ITGBL1: variants seen among roughly 807,000 people sequenced by gnomAD.
ITGBL1 encodes the protein integrin beta-like protein 1.
Under a neutral mutation model 68.5 loss-of-function variants are expected in ITGBL1, and 51 were observed. That is an observed-to-expected ratio of 0.74 (90% CI 0.59 to 0.94). The LOEUF is 0.94. Ranked by LOEUF, ITGBL1 falls within the 40% of genes least tolerant of loss-of-function variation. The probability of loss-of-function intolerance (pLI) is 0.00; values close to 1 mark genes in which losing one functional copy is unlikely to be tolerated. For synonymous variants in ITGBL1, 209 were observed against 227.3 expected (o/e 0.92, Z 0.72); for missense variants, 649 against 647.4 (o/e 1.00, Z -0.03).
chr13:101,491,627 A>AT (rs138131160), intron 2 of ITGBL1, among the ~76,000 whole-genome samples: 53 of 151,386 alleles, frequency 3.5e-4, no homozygotes, highest in Middle Eastern at 3.4e-3. Context: ...CTTTTTCTTT[A>AT]TTTTTTTTTA....
rs116957435 is a variant in ITGBL1, at chr13:101,669,261, G to C, written c.1016-23324G>C. Among the ~76,000 whole-genome samples the C allele has an allele frequency of 1.9e-4, 29 of 152,096 alleles. No individual in the cohort carries two copies. In the East Asian group the frequency reaches 5.0e-3, roughly 26 times the overall value. On this transcript the variant is annotated intron_variant, in intron 7 of 10. Transcript: ENST00000376180. ...AGGGGAGTGAGAGGGATGCAAAGAA[G>C]GTTATGAGGAAGTGTTTTTAGGTAA...
intron 4 of ITGBL1, among the ~76,000 whole-genome samples, chr13:101,576,765 A>G (rs2765607): frequency 0.2 from 29,645 of 152,014 alleles, 3,014 homozygotes; most frequent in East Asian, 0.23. Context: ...TGTACAAACT[A>G]CCTGGATAAA....
At chr13:101,508,877 T>A (rs1475806530) in intron 2 of ITGBL1, among the ~76,000 whole-genome samples, 2 of 152,092 alleles carry the variant, frequency 1.3e-5, no homozygotes, top group African/African-American at 4.8e-5. Context: ...TATTTTAAGG[T>A]TTTTTAAAAA....
chr13:101,584,448 T>C (rs1436574522), intron 6 of ITGBL1, among the ~76,000 whole-genome samples: 1 of 152,110 alleles, frequency 6.6e-6, no homozygotes, highest in Admixed American at 6.5e-5. Context: ...GACTGCCTCA[T>C]TGGTGCATGC....
At chr13:101,693,636 A>G (rs866713445) in intron 8 of ITGBL1, among the ~76,000 whole-genome samples, 184 of 150,538 alleles carry the variant, frequency 1.2e-3, no homozygotes, top group African/African-American at 4.0e-3. Flanking sequence ...CTATCTATCT[A>G]TCTATCTATC....
Position 101,704,112 on chromosome 13 carries a change from C to T in ITGBL1, c.1133-2644C>T, listed in dbSNP as rs74122645. On this transcript the variant is annotated intron_variant, in intron 8 of 10. Coordinates refer to ENST00000376180, the MANE Select transcript of ITGBL1 (RefSeq NM_004791.3). Reference sequence around the variant, plus strand: ...CTGCAGTGCCAGCTTGTCAGGGCCACGGCTGCTGACTCTTTACAGCACCCT... The same window carrying T: ...CTGCAGTGCCAGCTTGTCAGGGCCATGGCTGCTGACTCTTTACAGCACCCT... 6.5e-3 allele frequency among the ~76,000 whole-genome samples: 983 copies of T among 152,184 alleles called. 8 individuals are homozygous for T. The highest frequency in any genetic ancestry group is 0.021 in the African/African-American group (873 of 41,530).
intron 2 of ITGBL1, among the ~76,000 whole-genome samples, chr13:101,477,973 A>G (rs1819556): frequency 0.14 from 21,667 of 152,030 alleles, 2,059 homozygotes; most frequent in East Asian, 0.43. Context: ...GAATACTTCC[A>G]AACTAATTCT....
rs2034626560 is a variant in ITGBL1, at chr13:101,714,520, C to A, written c.1362C>A (p.Asp454Glu). ...SGEFCDCDDR[D>E]CDKHDGLICT... ...AGTTCTGTGACTGTGATGACAGAGA[C>A]TGCGACAAACATGATGGTCTCATTT... Residue 454 changes from aspartate (D) to glutamate (E), a missense_variant, in exon 10 of 11, where the codon GAC becomes GAA. Physicochemically the swap from Asp to Glu is conservative, Grantham distance 45. Coordinates refer to ENST00000376180, the MANE Select transcript of ITGBL1 (RefSeq NM_004791.3). The A allele has an allele frequency of 1.9e-6, 3 of 1,608,980 alleles. No homozygotes were observed. Among genetic ancestry groups the A allele is most frequent in the Non-Finnish European group, 2.6e-6 (3 of 1,175,378 alleles).
intron 2 of ITGBL1, among the ~76,000 whole-genome samples, chr13:101,502,561 T>C (rs1033445112): frequency 6.6e-6 from 1 of 152,204 alleles, no homozygotes; most frequent in African/African-American, 2.4e-5. Context: ...GCAAATTTAT[T>C]CTCAAAAACT....
At chr13:101,456,548 C>T (rs78006473) in intron 2 of ITGBL1, among the ~76,000 whole-genome samples, 10,274 of 152,208 alleles carry the variant, frequency 0.067, 1,132 homozygotes, top group African/African-American at 0.23. Flanking sequence ...GAGTAACTTT[C>T]GGAGACCTCT....
At chr13:101,461,987 C>G (rs764108977) in intron 2 of ITGBL1, among the ~76,000 whole-genome samples, 2 of 152,106 alleles carry the variant, frequency 1.3e-5, no homozygotes, top group African/African-American at 4.8e-5. Context: ...GGAGAGAATC[C>G]GTTTCCTGGT....
At chr13:101,660,829 C>A (rs2033065455) in intron 7 of ITGBL1, among the ~76,000 whole-genome samples, 1 of 152,168 alleles carries the variant, frequency 6.6e-6, no homozygotes, top group Admixed American at 6.5e-5. Context: ...CTAAAAATGC[C>A]TCCAAACATT....
At chr13:101,603,247 G>T (rs1566752114) in intron 7 of ITGBL1, among the ~76,000 whole-genome samples, 1 of 151,872 alleles carries the variant, frequency 6.6e-6, no homozygotes, top group Non-Finnish European at 1.5e-5. Flanking sequence ...GGTATTGTCT[G>T]TCTTTTTGAT....
rs755776332 is a variant in ITGBL1 at position 101,579,297 on chromosome 13, G to T, written c.597G>T (p.Lys199Asn). 2.0e-5 allele frequency: 32 copies of T among 1,613,646 alleles called. No individual in the cohort carries two copies. The highest frequency in any genetic ancestry group is 2.6e-5 in the Non-Finnish European group (31 of 1,179,754). ...ETEEICGGHG[K>N]CYCGNCYCKA... is the part of the protein sequence containing the mutation. The stretch of plus-strand genomic sequence containing the variant: ...TCATTTTGGGTAAAGGCCATGGGAA[G>T]TGTTACTGTGGAAACTGCTACTGCA... Residue 199 changes from lysine (K) to asparagine (N), a missense_variant, in exon 5 of 11, where the codon AAG becomes AAT. Physicochemically the swap from Lys to Asn is moderately conservative, Grantham distance 94. Transcript: ENST00000376180.
chr13:101,536,172 A>G (rs898294612), intron 2 of ITGBL1, among the ~76,000 whole-genome samples: 5 of 151,976 alleles, frequency 3.3e-5, no homozygotes. Flanking sequence ...TTCTTTTAAA[A>G]GGACTCTGCG....
At chr13:101,582,201 T>G (rs1020534492) in intron 5 of ITGBL1, among the ~76,000 whole-genome samples, 2 of 152,212 alleles carry the variant, frequency 1.3e-5, no homozygotes, top group African/African-American at 4.8e-5. Flanking sequence ...ACAGACATAT[T>G]AACTACTTGT....
intron 9 of ITGBL1, chr13:101,712,722 G>A (rs570990494): frequency 4.6e-5 from 7 of 152,240 alleles, no homozygotes; most frequent in African/African-American, 1.7e-4. Flanking sequence ...GTCTTTGTTG[G>A]CAGATATATC....
At chr13:101,497,647 C>T (rs1002942889) in intron 2 of ITGBL1, among the ~76,000 whole-genome samples, 3 of 152,148 alleles carry the variant, frequency 2.0e-5, no homozygotes, top group Non-Finnish European at 4.4e-5. Context: ...ACCAGGAGTT[C>T]CTGAGCAAAG....
chr13:101,585,775 C>T (rs778136008), intron 6 of ITGBL1, among the ~76,000 whole-genome samples: 11 of 151,948 alleles, frequency 7.2e-5, no homozygotes, highest in Non-Finnish European at 1.3e-4. Context: ...TGATTTGACA[C>T]AATTTAAAAT....
Sources: allele counts gnomAD v4.1 joint callset (sites outside exome capture counted in the v4.1 genomes callset), GRCh38; gene constraint gnomAD v4.1.1; transcripts MANE v1.5; gene names NCBI Gene and HGNC (gene_info 2026-07-23, HGNC 2026-07-21).